Variants in SAMTOR observed in about 807,000 individuals in gnomAD.
SAMTOR encodes S-adenosylmethionine sensor upstream of mTORC1.
the SAMTOR span, chr7:112,939,846 A>G: frequency 1.2e-5 from 11 of 954,974 alleles, no homozygotes; most frequent in Non-Finnish European, 1.5e-5. Flanking sequence ...CGGAGGCAGC[A>G]GCCAGAGGAG....
the SAMTOR span, among the ~76,000 whole-genome samples, chr7:112,920,330 C>G: frequency 6.6e-6 from 1 of 152,038 alleles, no homozygotes; most frequent in African/African-American, 2.4e-5. Flanking sequence ...AGCATATAAA[C>G]AGAGCCAAAG....
chr7:112,905,845 A>G, the SAMTOR span, among the ~76,000 whole-genome samples: 1 of 152,154 alleles, frequency 6.6e-6, no homozygotes. Flanking sequence ...CACCACATAC[A>G]TTACTGCAAA....
chr7:112,920,201 T>C, the SAMTOR span, among the ~76,000 whole-genome samples: 1 of 152,216 alleles, frequency 6.6e-6, no homozygotes, highest in African/African-American at 2.4e-5. Context: ...AAATCCTCAA[T>C]AAAATACTGG....
chr7:112,864,909 G>A, the SAMTOR span, among the ~76,000 whole-genome samples: 7 of 152,030 alleles, frequency 4.6e-5, no homozygotes, highest in Admixed American at 3.9e-4. Context: ...GCGTAGCACC[G>A]TGCCCCACTA....
chr7:112,925,219 C>T, the SAMTOR span, among the ~76,000 whole-genome samples: 2 of 152,144 alleles, frequency 1.3e-5, no homozygotes, highest in African/African-American at 4.8e-5. Flanking sequence ...TGGTACATAA[C>T]ACTATTTCTG....
chr7:112,822,172 G>A, the SAMTOR span: 1 of 1,613,688 alleles, frequency 6.2e-7, no homozygotes, highest in African/African-American at 1.3e-5. Flanking sequence ...AACAGTTCAT[G>A]GGCTTTCTTG....
chr7:112,860,373 CCTA>C, the SAMTOR span, among the ~76,000 whole-genome samples: 1 of 152,076 alleles, frequency 6.6e-6, no homozygotes, highest in Admixed American at 6.6e-5. Context: ...AATACACAAC[CCTA>C]CACAGACAAC....
chr7:112,904,789 A>G, the SAMTOR span, among the ~76,000 whole-genome samples: 1 of 152,224 alleles, frequency 6.6e-6, no homozygotes, highest in Admixed American at 6.5e-5. Context: ...TGAAATAGTT[A>G]TCAGAGTTAA....
chr7:112,841,892 T>C, the SAMTOR span, among the ~76,000 whole-genome samples: 4 of 152,120 alleles, frequency 2.6e-5, no homozygotes, highest in African/African-American at 7.2e-5. Context: ...GAACTGAAAC[T>C]GGACACCTTC....
the SAMTOR span, among the ~76,000 whole-genome samples, chr7:112,934,238 T>C: frequency 6.6e-6 from 1 of 152,174 alleles, no homozygotes; most frequent in Non-Finnish European, 1.5e-5. Context: ...GTTCCAAGGA[T>C]CTGTCCTCAG....
chr7:112,819,932 T>C, the SAMTOR span: 3 of 152,490 alleles, frequency 2.0e-5, no homozygotes, highest in East Asian at 5.8e-4. Context: ...GAGTTCTGTA[T>C]TATCCTTAAC....
chr7:112,839,870 C>CA, the SAMTOR span, among the ~76,000 whole-genome samples: 1 of 151,832 alleles, frequency 6.6e-6, no homozygotes, highest in South Asian at 2.1e-4. Flanking sequence ...CCTTTTATCA[C>CA]AAAAAATGTC....
the SAMTOR span, among the ~76,000 whole-genome samples, chr7:112,919,757 T>C: frequency 6.6e-6 from 1 of 151,368 alleles, no homozygotes; most frequent in Non-Finnish European, 1.5e-5. Flanking sequence ...TAAAAAATGA[T>C]AAAGGGGATA....
At chr7:112,845,676 C>T in the SAMTOR span, among the ~76,000 whole-genome samples, 13 of 152,192 alleles carry the variant, frequency 8.5e-5, no homozygotes, top group African/African-American at 2.4e-4. Context: ...AGCAGTGTGG[C>T]GATTCCTCAA....
At chr7:112,929,218 T>TA in the SAMTOR span, among the ~76,000 whole-genome samples, 17 of 148,938 alleles carry the variant, frequency 1.1e-4, no homozygotes, top group South Asian at 4.2e-4. Context: ...AAAAGATATA[T>TA]AAAAAAAACC....
the SAMTOR span, among the ~76,000 whole-genome samples, chr7:112,844,532 A>G: frequency 6.6e-6 from 1 of 152,142 alleles, no homozygotes; most frequent in African/African-American, 2.4e-5. Context: ...AATACCTAGG[A>G]ATATGGCTAA....
chr7:112,840,834 CATGATTATTTCAATAG>C, the SAMTOR span, among the ~76,000 whole-genome samples: 1 of 151,928 alleles, frequency 6.6e-6, no homozygotes, highest in African/African-American at 2.4e-5. Flanking sequence ...AACAGAACCA[CATGATTATTTCAATAG>C]ATGCAGAAAA....
At chr7:112,866,562 C>T in the SAMTOR span, among the ~76,000 whole-genome samples, 2 of 152,170 alleles carry the variant, frequency 1.3e-5, no homozygotes, top group Non-Finnish European at 2.9e-5. Context: ...GTTCTAGTGG[C>T]CACCTGCCTG....
chr7:112,821,628 C>T, the SAMTOR span: 3 of 967,660 alleles, frequency 3.1e-6, no homozygotes, highest in Non-Finnish European at 4.5e-6. Context: ...CTCTGTAAAC[C>T]TCTGCATTTC....
Sources: allele counts gnomAD v4.1 joint callset (sites outside exome capture counted in the v4.1 genomes callset), GRCh38; gene constraint gnomAD v4.1.1; transcripts MANE v1.5; gene names NCBI Gene and HGNC (gene_info 2026-07-23, HGNC 2026-07-21).